LUZP2: variants seen among roughly 807,000 people sequenced by gnomAD.
The protein encoded by LUZP2 is leucine zipper protein 2.
A neutral mutation model predicts 51.6 loss-of-function variants in LUZP2; 52 were observed. The observed-to-expected ratio is 1.01, with a 90% CI of 0.81 to 1.27. The LOEUF is 1.27. Ranked by LOEUF, LUZP2 falls within the 50% of genes most tolerant of loss-of-function variation. The pLI, the probability that LUZP2 is intolerant of heterozygous loss-of-function variation, is 0.00. For synonymous variants in LUZP2, 154 were observed against 137.3 expected (o/e 1.12, Z -0.85); for missense variants, 436 against 395.4 (o/e 1.10, Z -0.87).
intron 10 of LUZP2, among the ~76,000 whole-genome samples, chr11:25,056,878 A>T (rs541815717): frequency 6.6e-6 from 1 of 152,260 alleles, no homozygotes; most frequent in East Asian, 1.9e-4. Flanking sequence ...AGGTGGGCAG[A>T]TCACGAGGTC....
At chr11:24,759,461 T>G (rs534537418) in intron 4 of LUZP2, among the ~76,000 whole-genome samples, 13 of 152,288 alleles carry the variant, frequency 8.5e-5, no homozygotes, top group Non-Finnish European at 1.9e-4. Context: ...TATTTAAGTA[T>G]TGCATTCTCA....
intron 5 of LUZP2, among the ~76,000 whole-genome samples, chr11:24,835,572 A>G (rs1850839553): frequency 6.6e-6 from 1 of 152,090 alleles, no homozygotes; most frequent in Non-Finnish European, 1.5e-5. Flanking sequence ...TTCATAATCT[A>G]ATTCAAATAG....
At chr11:24,666,280 G>A (rs1856209352) in intron 1 of LUZP2, among the ~76,000 whole-genome samples, 1 of 152,092 alleles carries the variant, frequency 6.6e-6, no homozygotes, top group Admixed American at 6.5e-5. Flanking sequence ...TGCAGGGAAG[G>A]AAAATCCTCT....
At chr11:24,650,454 G>A (rs184178039) in intron 1 of LUZP2, among the ~76,000 whole-genome samples, 2 of 151,920 alleles carry the variant, frequency 1.3e-5, no homozygotes, top group Admixed American at 1.3e-4. Context: ...TGATAAAGTG[G>A]GCAACTATTT....
chr11:24,579,047 T>A (rs1298233381), intron 1 of LUZP2, among the ~76,000 whole-genome samples: 1 of 152,178 alleles, frequency 6.6e-6, no homozygotes, highest in Non-Finnish European at 1.5e-5. Flanking sequence ...AAACCTTAAA[T>A]ATAATTAATA....
At chr11:24,635,528 C>T (rs1212932527) in intron 1 of LUZP2, among the ~76,000 whole-genome samples, 2 of 151,980 alleles carry the variant, frequency 1.3e-5, no homozygotes, top group Admixed American at 1.3e-4. Flanking sequence ...ATGTCATTTT[C>T]AGTACATTTC....
intron 5 of LUZP2, among the ~76,000 whole-genome samples, chr11:24,776,469 T>C (rs1848930217): frequency 6.6e-6 from 1 of 152,134 alleles, no homozygotes; most frequent in Non-Finnish European, 1.5e-5. Context: ...AAGAGTTCAT[T>C]ATAGAAGAGT....
At chr11:24,869,690 C>CACAGAGAAG (rs1482109592) in intron 5 of LUZP2, among the ~76,000 whole-genome samples, 2 of 152,106 alleles carry the variant, frequency 1.3e-5, no homozygotes, top group African/African-American at 4.8e-5. Flanking sequence ...ATGAATTGTA[C>CACAGAGAAG]ACAGAGAAGA....
Position 24,826,191 on chromosome 11 carries a change from ATAT to A in LUZP2, c.396+62884_396+62886del, listed in dbSNP as rs1247856654. Among the ~76,000 whole-genome samples the A allele has an allele frequency of 9.9e-4, 10 of 10,118 alleles. 1 individual carries two copies. The East Asian group carries it at 0.016, about 16-fold the overall frequency. The allele number at this position is 10,118 out of a possible 152,430, so 6.6% of individuals were successfully genotyped here. A position where few individuals can be genotyped will look rare whatever the true frequency, so the allele number is the denominator to read the frequency against. ...ACTCCATCTCAAAAAAAAAAAAAAAATATATATATATATATATAGTAAAAGTTA... is the reference window on the plus strand; with the variant it reads ...ACTCCATCTCAAAAAAAAAAAAAAAAATATATATATATATAGTAAAAGTTA... On this transcript the variant is annotated intron_variant, in intron 5 of 11. Coordinates refer to ENST00000336930, the MANE Select transcript of LUZP2 (RefSeq NM_001009909.4).
At chr11:24,501,038 C>A (rs1182912306) in intron 1 of LUZP2, among the ~76,000 whole-genome samples, 1 of 152,146 alleles carries the variant, frequency 6.6e-6, no homozygotes, top group Non-Finnish European at 1.5e-5. Context: ...AGCAGTCTCA[C>A]CTTAACTCTC....
chr11:25,037,355 G>A (rs993751485), intron 9 of LUZP2, among the ~76,000 whole-genome samples: 3 of 152,200 alleles, frequency 2.0e-5, no homozygotes, highest in Admixed American at 6.5e-5. Flanking sequence ...GTTGTTACAC[G>A]TGAAATGGGT....
chr11:24,959,484 T>C (rs1028158010), intron 7 of LUZP2, among the ~76,000 whole-genome samples: 24 of 152,162 alleles, frequency 1.6e-4, no homozygotes, highest in African/African-American at 5.8e-4. Flanking sequence ...CCTTGTAAGT[T>C]GGATTCCTAG....
chr11:24,818,110 C>A (rs1850239657), intron 5 of LUZP2, among the ~76,000 whole-genome samples: 1 of 151,886 alleles, frequency 6.6e-6, no homozygotes, highest in Non-Finnish European at 1.5e-5. Flanking sequence ...AACTTTGGTG[C>A]TGTCTCTTTA....
chr11:24,964,035 T>C (rs1855507427), intron 7 of LUZP2, among the ~76,000 whole-genome samples: 1 of 152,206 alleles, frequency 6.6e-6, no homozygotes, highest in African/African-American at 2.4e-5. Flanking sequence ...GAAGCAGGAT[T>C]ACTGGGTCAC....
At chr11:24,892,477 T>C (rs1852889264) in intron 5 of LUZP2, 4 of 762,604 alleles carry the variant, frequency 5.2e-6, no homozygotes, top group African/African-American at 1.9e-5. Flanking sequence ...AGTTAAAATA[T>C]ATTAATAGCC....
intron 1 of LUZP2, among the ~76,000 whole-genome samples, chr11:24,585,676 A>G (rs1853038827): frequency 2.0e-5 from 3 of 152,156 alleles, no homozygotes; most frequent in Admixed American, 1.3e-4. Context: ...CTGCTGAAGA[A>G]AAAACATTTC....
rs2133779011 is a variant in LUZP2 at position 24,563,851 on chromosome 11, TATTA to T, written c.62+66551_62+66554del. Among the ~76,000 whole-genome samples the T allele has an allele frequency of 2.6e-5, 4 of 152,310 alleles. No individual in the cohort carries two copies. The South Asian group carries it at 8.3e-4, about 32-fold the overall frequency. On this transcript the variant is annotated intron_variant, in intron 1 of 11. Coordinates refer to ENST00000336930, the MANE Select transcript of LUZP2 (RefSeq NM_001009909.4). ...TCATTTTATTTTATTTTTATCACTT[TATTA>T]ATTATGTGTTTTATAACTAAACTGT...
At chr11:24,582,057 C>T (rs369781001) in intron 1 of LUZP2, among the ~76,000 whole-genome samples, 3 of 152,048 alleles carry the variant, frequency 2.0e-5, no homozygotes, top group African/African-American at 7.2e-5. Context: ...TCATTTTGGG[C>T]GATACAAACT....
chr11:24,656,039 G>A (rs143854204), intron 1 of LUZP2, among the ~76,000 whole-genome samples: 2 of 152,234 alleles, frequency 1.3e-5, no homozygotes, highest in African/African-American at 2.4e-5. Context: ...CTTCAAAGTC[G>A]TTATTCATTT....
Sources: allele counts gnomAD v4.1 joint callset (sites outside exome capture counted in the v4.1 genomes callset), GRCh38; gene constraint gnomAD v4.1.1; transcripts MANE v1.5; gene names NCBI Gene and HGNC (gene_info 2026-07-23, HGNC 2026-07-21).